Variants in KAZN observed in about 807,000 individuals in gnomAD.
KAZN encodes kazrin.
A neutral mutation model predicts 87.4 loss-of-function variants in KAZN; 40 were observed. That is an observed-to-expected ratio of 0.46 (90% CI 0.36 to 0.60). KAZN has a LOEUF of 0.60. KAZN is among the 20% of genes least tolerant of loss of function. KAZN has a pLI of 0.00. For synonymous variants in KAZN, 466 were observed against 458.3 expected, an observed-to-expected ratio of 1.02 and a Z score of -0.22; for missense variants, 898 against 1,073.9, an observed-to-expected ratio of 0.84 and a Z score of 2.29.
chr1:14,518,374 G>T (rs542819011), intron 2 of KAZN, among the ~76,000 whole-genome samples: 1 of 151,836 alleles, frequency 6.6e-6, no homozygotes, highest in Admixed American at 6.6e-5. Context: ...ACAGGATTTC[G>T]CCATGTTGGC....
chr1:14,308,581 G>A (rs1655083479), intron 2 of KAZN, among the ~76,000 whole-genome samples: 1 of 152,136 alleles, frequency 6.6e-6, no homozygotes, highest in Non-Finnish European at 1.5e-5. Context: ...TGCAAGTGTA[G>A]GTACTGAAAT....
At chr1:14,037,692 C>T (rs1641618994) in intron 1 of KAZN, among the ~76,000 whole-genome samples, 1 of 152,204 alleles carries the variant, frequency 6.6e-6, no homozygotes, top group Non-Finnish European at 1.5e-5. Context: ...GGCTTGGTGG[C>T]AGCCTGGTCA....
chr1:14,126,844 G>A (rs957809559), intron 1 of KAZN, among the ~76,000 whole-genome samples: 12 of 152,154 alleles, frequency 7.9e-5, no homozygotes, highest in African/African-American at 2.7e-4. Context: ...GGTGGGTCAC[G>A]CCTGTAATCC....
intron 2 of KAZN, among the ~76,000 whole-genome samples, chr1:14,961,328 G>A (rs1663837231): frequency 6.6e-6 from 1 of 152,232 alleles, no homozygotes; most frequent in Non-Finnish European, 1.5e-5. Flanking sequence ...CCCAGAGGAA[G>A]GAGTTGGAAG....
chr1:14,058,352 A>T (rs1489175504), intron 1 of KAZN, among the ~76,000 whole-genome samples: 1 of 152,222 alleles, frequency 6.6e-6, no homozygotes, highest in Non-Finnish European at 1.5e-5. Context: ...AGTCTTTAAA[A>T]AAACAAAGCC....
At chr1:13,897,336 A>G (rs1369765481) in intron 1 of KAZN, among the ~76,000 whole-genome samples, 7 of 152,190 alleles carry the variant, frequency 4.6e-5, no homozygotes, top group Non-Finnish European at 1.0e-4. Flanking sequence ...GGGGTTAGAC[A>G]GAATTTATGT....
At chr1:14,279,347 C>T (rs747649529) in intron 2 of KAZN, among the ~76,000 whole-genome samples, 7 of 152,162 alleles carry the variant, frequency 4.6e-5, no homozygotes, top group Non-Finnish European at 4.4e-5. Flanking sequence ...AAATCACAGG[C>T]AAAGAGCTTT....
At chr1:14,800,946 G>A (rs558910296) in intron 1 of KAZN, among the ~76,000 whole-genome samples, 27 of 151,640 alleles carry the variant, frequency 1.8e-4, no homozygotes, top group African/African-American at 6.5e-4. Context: ...AAATGTTCTG[G>A]AATTAGGTTA....
At chr1:14,999,127 A>G (rs1336884072) in intron 2 of KAZN, among the ~76,000 whole-genome samples, 1 of 152,224 alleles carries the variant, frequency 6.6e-6, no homozygotes, top group African/African-American at 2.4e-5. Context: ...TCGAGACTGC[A>G]GTGAGCCATG....
chr1:14,032,909 A>T (rs1641388924), intron 1 of KAZN, among the ~76,000 whole-genome samples: 1 of 152,152 alleles, frequency 6.6e-6, no homozygotes, highest in African/African-American at 2.4e-5. Context: ...GAGGCTTCAG[A>T]TGATGGCAGT....
intron 1 of KAZN, among the ~76,000 whole-genome samples, chr1:14,917,841 T>TCTTC (rs981364167): frequency 8.6e-6 from 1 of 116,186 alleles, no homozygotes; most frequent in Non-Finnish European, 1.9e-5. Context: ...TAAATGTACT[T>TCTTC]CTTTCTTTCT....
In KAZN at chr1:14,210,167, A is replaced by C. The variant is rs1646823957; in HGVS notation, c.249+29575A>C. On this transcript the variant is annotated intron_variant, in intron 2 of 16. Transcript: ENST00000636203. ...TCATGAGAGGGACACAGTGGGAGGT[A>C]ATTGAATCATAGGGGTGGGTTTTTC... Among the ~76,000 whole-genome samples, 2 of 152,192 alleles carry C rather than the reference A, an allele frequency of 1.3e-5. 1 individual carries two copies. Among genetic ancestry groups the C allele is most frequent in the South Asian group, 4.1e-4 (2 of 4,826 alleles).
chr1:14,875,619 G>A (rs559319710), intron 1 of KAZN, among the ~76,000 whole-genome samples: 5 of 152,268 alleles, frequency 3.3e-5, no homozygotes, highest in Middle Eastern at 3.4e-3. Flanking sequence ...ATGTGCTGGG[G>A]TCTGCTCCAG....
rs1646255220 is a variant in KAZN at position 14,184,092 on chromosome 1, C to T, written c.249+3500C>T. On this transcript the variant is annotated intron_variant, in intron 2 of 16. Coordinates refer to the KAZN transcript ENST00000636203. The surrounding 1 kb of genome is among the most constrained non-coding windows in gnomAD (Gnocchi z 4.2). ...AAATAAAAATAAACCACACAACTGT[C>T]ATCTCTAAACAAATCTCGAACAAAG... Among the ~76,000 whole-genome samples, 1 of 152,170 alleles carries T rather than the reference C, an allele frequency of 6.6e-6. No homozygotes were observed. The highest frequency in any genetic ancestry group is 2.4e-5 in the African/African-American group (1 of 41,436).
chr1:14,474,425 AAAG>A (rs1443526087), intron 2 of KAZN, among the ~76,000 whole-genome samples: 1 of 152,176 alleles, frequency 6.6e-6, no homozygotes, highest in Non-Finnish European at 1.5e-5. Flanking sequence ...ACATAATGAG[AAAG>A]AAGGAGCTAT....
At chr1:14,853,756 A>G (rs568186715) in intron 1 of KAZN, among the ~76,000 whole-genome samples, 31 of 152,270 alleles carry the variant, frequency 2.0e-4, no homozygotes, top group Admixed American at 3.3e-4. Flanking sequence ...TGCTCAAGGA[A>G]GTCTGGGGTC....
intron 1 of KAZN, among the ~76,000 whole-genome samples, chr1:14,807,826 C>T (rs1249287387): frequency 6.6e-6 from 1 of 152,072 alleles, no homozygotes; most frequent in African/African-American, 2.4e-5. Context: ...GGCAAATCAG[C>T]CCCCAAATTA....
intron 1 of KAZN, among the ~76,000 whole-genome samples, chr1:14,685,180 A>G (rs572400880): frequency 3.0e-4 from 45 of 152,354 alleles, no homozygotes; most frequent in African/African-American, 1.0e-3. Flanking sequence ...GCAGCCACTC[A>G]AGGGTGAGTT....
chr1:14,444,177 A>T (rs576767173), intron 2 of KAZN, among the ~76,000 whole-genome samples: 2 of 152,166 alleles, frequency 1.3e-5, no homozygotes, highest in Admixed American at 6.5e-5. Flanking sequence ...GCAAACCTTC[A>T]TGAGATGTAC....
Sources: gnomAD v4.1 joint callset for allele counts (sites outside exome capture counted in the v4.1 genomes callset) on GRCh38, gnomAD v4.1.1 for gene constraint, Gnocchi (gnomAD v3.1) non-coding constraint, MANE v1.5 for transcripts, NCBI Gene and HGNC (gene_info 2026-07-23, HGNC 2026-07-21) for gene names.